The following SPACA7 variants were observed in gnomAD, a reference collection of about 807,000 sequenced individuals.
SPACA7 encodes sperm acrosome associated 7.
SPACA7 carries 19 observed loss-of-function variants against 26.3 expected under a neutral mutation model. The observed-to-expected ratio is 0.72, with a 90% CI of 0.50 to 1.06. The LOEUF (loss-of-function observed/expected upper bound fraction) is 1.06, where lower values mean the gene tolerates loss of function less well. Ranked by LOEUF, SPACA7 falls within the 50% of genes least tolerant of loss-of-function variation. SPACA7 has a pLI of 0.00. For missense variants in SPACA7, 211 were observed against 229.9 expected (o/e 0.92, Z 0.53); for synonymous variants, 84 against 84.5 (o/e 0.99, Z 0.04).
chr13:112,422,652 C>T (rs905251390), intron 5 of SPACA7, among the ~76,000 whole-genome samples: 1 of 152,170 alleles, frequency 6.6e-6, no homozygotes, highest in Non-Finnish European at 1.5e-5. Flanking sequence ...GTGGGGAAAT[C>T]CTCCAAATAT....
chr13:112,432,398 A>C (rs1225558488), intron 5 of SPACA7, 46 bp from the exon 6 acceptor site: 1 of 1,455,436 alleles, frequency 6.9e-7, no homozygotes, highest in Non-Finnish European at 9.6e-7. Flanking sequence ...ATCATGCCTT[A>C]ATTATTTACA....
At chr13:112,398,819 T>C (rs1885452481) in intron 3 of SPACA7, among the ~76,000 whole-genome samples, 1 of 152,178 alleles carries the variant, frequency 6.6e-6, no homozygotes, top group South Asian at 2.1e-4. Flanking sequence ...GCACCCAGAA[T>C]GTAAATTCCA....
intron 1 of SPACA7, chr13:112,382,370 C>T (rs1003160470): frequency 2.6e-6 from 4 of 1,510,522 alleles, no homozygotes; most frequent in East Asian, 2.5e-5. Flanking sequence ...AGTGCTGGGA[C>T]TACAGGCATG....
chr13:112,377,941 G>A (rs1883798819), intron 1 of SPACA7, among the ~76,000 whole-genome samples: 1 of 152,218 alleles, frequency 6.6e-6, no homozygotes, highest in Admixed American at 6.5e-5. Flanking sequence ...AGTCTGTTGA[G>A]AAGATTTCTG....
chr13:112,408,862 T>C (rs537195529), intron 5 of SPACA7, among the ~76,000 whole-genome samples: 1 of 152,238 alleles, frequency 6.6e-6, no homozygotes, highest in South Asian at 2.1e-4. Flanking sequence ...TGGAAAAAAC[T>C]ACTTTAAAGT....
chr13:112,420,870 A>C (rs143555327), intron 5 of SPACA7, among the ~76,000 whole-genome samples: 3 of 152,290 alleles, frequency 2.0e-5, no homozygotes, highest in South Asian at 2.1e-4. Context: ...CAAGATAGGA[A>C]TTACAGCAAA....
At chr13:112,394,639 T>C (rs1284761192) in intron 2 of SPACA7, among the ~76,000 whole-genome samples, 1 of 152,184 alleles carries the variant, frequency 6.6e-6, no homozygotes, top group Non-Finnish European at 1.5e-5. Context: ...TGCCGCCCCG[T>C]CCACTTTCTG....
intron 4 of SPACA7, among the ~76,000 whole-genome samples, chr13:112,400,723 A>G (rs987662171): frequency 6.6e-6 from 1 of 152,100 alleles, no homozygotes; most frequent in Non-Finnish European, 1.5e-5. Context: ...TATTTTTTGT[A>G]TGTATCTTTC....
chr13:112,425,622 A>G (rs957537849), intron 5 of SPACA7, among the ~76,000 whole-genome samples: 1 of 148,888 alleles, frequency 6.7e-6, no homozygotes, highest in Non-Finnish European at 1.5e-5. Context: ...GGAGGCAGAG[A>G]GAGAGAAGAC....
chr13:112,394,913 A>G (rs902395469), intron 2 of SPACA7, among the ~76,000 whole-genome samples: 42 of 152,318 alleles, frequency 2.8e-4, no homozygotes, highest in Non-Finnish European at 5.4e-4. Context: ...AGGAAGCAGC[A>G]GCTCTTACCC....
chr13:112,383,026 A>AAGAGAGAGAGAGAGAAAGAGAGAGAG (rs371501039), intron 1 of SPACA7, among the ~76,000 whole-genome samples: 4 of 95,308 alleles, frequency 4.2e-5, no homozygotes, highest in East Asian at 2.3e-4. Context: ...GAAAGAAAGA[A>AAGAGAGAGAGAGAGAAAGAGAGAGAG]AGAGAGAGAG....
chr13:112,398,184 C>G (rs1308371411), intron 3 of SPACA7, 46 bp downstream of exon 3: 1 of 1,423,418 alleles, frequency 7.0e-7, no homozygotes, highest in Admixed American at 1.7e-5. Flanking sequence ...TCTAATTGCC[C>G]TTATTCCTGG....
rs150437079 is a variant in SPACA7, at chr13:112,421,608, C to T, written c.446-10836C>T. On this transcript the variant is annotated intron_variant, in intron 5 of 6. Transcript: ENST00000283550. ...GGTTGTCAAACTATAGGCCAAGGGCCAAATATAAATATAGGAATATAAATC... is the reference window on the plus strand; with the variant it reads ...GGTTGTCAAACTATAGGCCAAGGGCTAAATATAAATATAGGAATATAAATC... Among the ~76,000 whole-genome samples the T allele has an allele frequency of 1.2e-4, 19 of 152,096 alleles. 1 individual carries two copies. The South Asian group carries it at 3.5e-3, about 28-fold the overall frequency.
intron 5 of SPACA7, among the ~76,000 whole-genome samples, chr13:112,416,954 G>T (rs1186668341): frequency 6.6e-6 from 1 of 151,818 alleles, no homozygotes; most frequent in African/African-American, 2.4e-5. Flanking sequence ...TTAGACTCTT[G>T]TATGTTTAAG....
At chr13:112,378,429 C>G (rs1883833469) in intron 1 of SPACA7, among the ~76,000 whole-genome samples, 1 of 152,180 alleles carries the variant, frequency 6.6e-6, no homozygotes, top group South Asian at 2.1e-4. Flanking sequence ...AAAAATATAT[C>G]ACATCTTACA....
chr13:112,394,497 A>G (rs1339257726), intron 2 of SPACA7, among the ~76,000 whole-genome samples: 4 of 150,340 alleles, frequency 2.7e-5, no homozygotes, highest in Non-Finnish European at 5.9e-5. Flanking sequence ...GTCAGAAGTC[A>G]GGCTTTGCTC....
chr13:112,414,208 T>C (rs935384566), intron 5 of SPACA7, among the ~76,000 whole-genome samples: 14 of 152,206 alleles, frequency 9.2e-5, no homozygotes, highest in Admixed American at 5.2e-4. Flanking sequence ...ATTCAAACTA[T>C]ATCAGCCTGT....
At chr13:112,427,828 G>C (rs892502313) in intron 5 of SPACA7, among the ~76,000 whole-genome samples, 3 of 152,070 alleles carry the variant, frequency 2.0e-5, no homozygotes, top group Non-Finnish European at 2.9e-5. Flanking sequence ...AAAGTTATTG[G>C]CAAAAGTTTT....
intron 1 of SPACA7, among the ~76,000 whole-genome samples, chr13:112,385,264 G>A (rs1040954570): frequency 4.6e-5 from 7 of 152,066 alleles, no homozygotes; most frequent in Non-Finnish European, 4.4e-5. Flanking sequence ...CTCTGAACTA[G>A]ACAAAATTGC....
Sources: gnomAD v4.1 joint callset for allele counts (sites outside exome capture counted in the v4.1 genomes callset) on GRCh38, gnomAD v4.1.1 for gene constraint, MANE v1.5 for transcripts, NCBI Gene and HGNC (gene_info 2026-07-23, HGNC 2026-07-21) for gene names.